LRP1B: variants seen among roughly 807,000 people sequenced by gnomAD.
LRP1B encodes the protein low-density lipoprotein receptor-related protein 1B.
In LRP1B, 217 loss-of-function variants were observed where a neutral mutation model predicts 556.6. The observed-to-expected ratio is 0.39, with a 90% CI of 0.35 to 0.44. The LOEUF (loss-of-function observed/expected upper bound fraction) is 0.44. Ranked by LOEUF, LRP1B falls within the 20% of genes least tolerant of loss-of-function variation. The pLI is 1.00. For missense variants in LRP1B, 5,053 were observed against 5,620.8 expected (o/e 0.90, Z 3.23); for synonymous variants, 2,047 against 1,865.8 (o/e 1.10, Z -2.50).
chr2:141,912,333 A>T (rs1030518917), intron 1 of LRP1B, among the ~76,000 whole-genome samples: 51 of 152,312 alleles, frequency 3.3e-4, no homozygotes, highest in African/African-American at 1.2e-3. Context: ...AATATCTATG[A>T]AATATGCCAT....
chr2:142,071,467 A>C (rs1313327238), intron 1 of LRP1B, among the ~76,000 whole-genome samples: 4 of 151,956 alleles, frequency 2.6e-5, no homozygotes. Context: ...ATAGACCTGT[A>C]CAGTTGGAAA....
rs1368445516 is a variant in LRP1B at position 141,015,836 on chromosome 2, A to T, written c.2050T>A (p.Phe684Ile). The T allele has an allele frequency of 6.2e-7, 1 of 1,613,538 alleles. No individual in the cohort carries two copies. The highest frequency in any genetic ancestry group is 2.2e-5 in the East Asian group (1 of 44,736). ...GRIEKAWMDG[F>I]NRQIFVTSKM... ...GAAGTCACAAAAATCTGCCGATTGA[A>T]TCCATCCATCCAGGCCTTCTCAATC... Residue 684 changes from phenylalanine (F) to isoleucine (I), a missense_variant, in exon 13 of 91, where the codon TTC (phenylalanine) becomes ATC (isoleucine). This residue lies in a region of LRP1B where 3,619 missense variants were observed against 3,931.9 expected (regional missense o/e 0.92). Coordinates refer to ENST00000389484, the MANE Select transcript of LRP1B (RefSeq NM_018557.3).
intron 59 of LRP1B, among the ~76,000 whole-genome samples, chr2:140,484,500 G>A (rs935125738): frequency 2.6e-5 from 4 of 152,126 alleles, no homozygotes; most frequent in Admixed American, 6.5e-5. Flanking sequence ...TACTGTGAAT[G>A]TGTCCTATTT....
At chr2:140,591,672 T>G (rs772375861) in intron 43 of LRP1B, among the ~76,000 whole-genome samples, 1 of 152,214 alleles carries the variant, frequency 6.6e-6, no homozygotes, top group Non-Finnish European at 1.5e-5. Flanking sequence ...CACGGAGCAG[T>G]TCTGTACAAC....
rs915432284 is a variant in LRP1B at position 141,111,487 on chromosome 2, A to T, written c.1014-49214T>A. ...TGCTTTAGGTGGACAGTAAGGAAAG[A>T]GTCCCCAGAGAACCTCCCTCCTGTG... On this transcript the variant is annotated intron_variant, in intron 7 of 90. Coordinates refer to ENST00000389484, the MANE Select transcript of LRP1B (RefSeq NM_018557.3). Among the ~76,000 whole-genome samples, 5 of 152,174 alleles carry T rather than the reference A, an allele frequency of 3.3e-5. No homozygotes were observed. The East Asian group carries it at 5.8e-4, about 18-fold the overall frequency.
At chr2:141,433,830 CTA>C (rs1680658627) in intron 3 of LRP1B, among the ~76,000 whole-genome samples, 1 of 136,198 alleles carries the variant, frequency 7.3e-6, no homozygotes, top group Non-Finnish European at 1.6e-5. Context: ...CTTTCAGGTA[CTA>C]TGTTTTTGAA....
chr2:140,321,897 T>C (rs1368230623), intron 82 of LRP1B, 66 bp downstream of exon 82: 1 of 1,485,704 alleles, frequency 6.7e-7, no homozygotes, highest in African/African-American at 1.4e-5. Flanking sequence ...TCACTCCATT[T>C]CACGAGGTGT....
chr2:140,449,720 A>T (rs1686808939), intron 63 of LRP1B, among the ~76,000 whole-genome samples: 1 of 152,190 alleles, frequency 6.6e-6, no homozygotes, highest in African/African-American at 2.4e-5. Context: ...CTTTATAATA[A>T]GGTGGTAGCA....
At chr2:140,687,807 A>G (rs1187609226) in intron 41 of LRP1B, among the ~76,000 whole-genome samples, 1 of 152,124 alleles carries the variant, frequency 6.6e-6, no homozygotes, top group African/African-American at 2.4e-5. Flanking sequence ...CAATAACAGG[A>G]AACTTCACTC....
intron 1 of LRP1B, among the ~76,000 whole-genome samples, chr2:142,080,731 T>C (rs1046728810): frequency 1.3e-5 from 2 of 152,114 alleles, no homozygotes; most frequent in African/African-American, 2.4e-5. Context: ...ATATTTTTGG[T>C]GGGAGATTGA....
intron 35 of LRP1B, among the ~76,000 whole-genome samples, chr2:140,747,443 AG>A (rs1314446570): frequency 6.6e-6 from 1 of 152,166 alleles, no homozygotes; most frequent in Non-Finnish European, 1.5e-5. Flanking sequence ...GTCCCTACAG[AG>A]GGTCACTTAG....
At chr2:141,626,352 A>C (rs1181828119) in intron 2 of LRP1B, among the ~76,000 whole-genome samples, 1 of 152,192 alleles carries the variant, frequency 6.6e-6, no homozygotes, top group Non-Finnish European at 1.5e-5. Flanking sequence ...CAAAACTATG[A>C]AACTCCTAGA....
At chr2:140,463,884 G>A (rs1013569615) in intron 60 of LRP1B, among the ~76,000 whole-genome samples, 2 of 152,070 alleles carry the variant, frequency 1.3e-5, no homozygotes, top group African/African-American at 2.4e-5. Context: ...AGTGTAATAC[G>A]TAATGTGGAA....
chr2:141,047,054 T>TTAATAATAATAATAA (rs70991134), intron 11 of LRP1B, among the ~76,000 whole-genome samples: 7 of 70,658 alleles, frequency 9.9e-5, no homozygotes, highest in Middle Eastern at 7.7e-3. Flanking sequence ...TGCACAAAAA[T>TTAATAATAATAATAA]TAATAATAAT....
In LRP1B at chr2:141,315,134, G is replaced by A. The variant is rs540385057; in HGVS notation, c.344-60493C>T. 4.7e-5 allele frequency among the ~76,000 whole-genome samples: 7 copies of A among 150,388 alleles called. No homozygotes were observed. The South Asian group carries it at 1.5e-3, about 31-fold the overall frequency. On this transcript the variant is annotated intron_variant, in intron 3 of 90. Transcript: ENST00000389484. ...AAGGAACACAAATCTAGTCTTAACT[G>A]TGACATTTACTTGATCAGAGATAGA...
chr2:141,515,300 C>CA (rs781073721), intron 2 of LRP1B, among the ~76,000 whole-genome samples: 3,123 of 111,730 alleles, frequency 0.028, 64 homozygotes, highest in Middle Eastern at 0.036. Flanking sequence ...GGAACTCCGT[C>CA]AAAAGAAAAA....
intron 35 of LRP1B, among the ~76,000 whole-genome samples, chr2:140,722,025 GTA>G (rs948062007): frequency 2.2e-4 from 33 of 152,178 alleles, no homozygotes; most frequent in African/African-American, 7.9e-4. Flanking sequence ...TCTTCTGGGA[GTA>G]TCTCTTCTCT....
chr2:141,396,818 C>T (rs1690251937), intron 3 of LRP1B, among the ~76,000 whole-genome samples: 1 of 151,978 alleles, frequency 6.6e-6, no homozygotes, highest in Non-Finnish European at 1.5e-5. Context: ...ACAGACCAGA[C>T]ATACAAATAA....
intron 66 of LRP1B, among the ~76,000 whole-genome samples, chr2:140,425,053 G>GT (rs374064736): frequency 0.011 from 1,694 of 147,316 alleles, 12 homozygotes; most frequent in Admixed American, 0.012. Flanking sequence ...TTGGAGGGAC[G>GT]TTTTTTTTTT....
Sources: gnomAD v4.1 joint callset for allele counts (sites outside exome capture counted in the v4.1 genomes callset) on GRCh38, gnomAD v4.1.1 for gene constraint, gnomAD v4.1.1 regional missense constraint, MANE v1.5 for transcripts, NCBI Gene and HGNC (gene_info 2026-07-23, HGNC 2026-07-21) for gene names.